The following CNTN5 variants were observed in gnomAD, a reference collection of about 807,000 sequenced individuals.
CNTN5 encodes contactin-5.
In CNTN5, 77 loss-of-function variants were observed where a neutral mutation model predicts 129.1. That is an observed-to-expected ratio of 0.60 (90% CI 0.50 to 0.72). The LOEUF (loss-of-function observed/expected upper bound fraction) is 0.72, where lower values mean the gene tolerates loss of function less well. Among genes scored for constraint, CNTN5 ranks in the 30% least tolerant of loss-of-function variants. The pLI, the probability that CNTN5 is intolerant of heterozygous loss-of-function variation, is 0.00. For synonymous variants in CNTN5, 509 were observed against 465.6 expected (o/e 1.09, Z -1.20); for missense variants, 1,478 against 1,328.8 (o/e 1.11, Z -1.75).
chr11:99,031,082 C>T (rs1863353501), intron 1 of CNTN5, among the ~76,000 whole-genome samples: 1 of 152,056 alleles, frequency 6.6e-6, no homozygotes, highest in Admixed American at 6.6e-5. Context: ...CAGGCGTGAG[C>T]CACCACGCCT....
rs1010089341 is a variant in CNTN5 at position 99,762,442 on chromosome 11, A to G, written c.56-57102A>G. Among the ~76,000 whole-genome samples, 14 of 152,020 alleles carry G rather than the reference A, an allele frequency of 9.2e-5. No homozygotes were observed. In the East Asian group the frequency reaches 2.5e-3, roughly 27 times the overall value. ...TAATCCATCTTGAATTGATTTTTGT[A>G]TAAGGTGTAAGGAAGGGATCCAGTT... On this transcript the variant is annotated intron_variant, in intron 3 of 24. Coordinates refer to ENST00000524871, the MANE Select transcript of CNTN5 (RefSeq NM_014361.4).
At chr11:99,097,110 A>G (rs1436113562) in intron 1 of CNTN5, among the ~76,000 whole-genome samples, 2 of 151,942 alleles carry the variant, frequency 1.3e-5, no homozygotes, top group Non-Finnish European at 2.9e-5. Context: ...CTTTTCTTAT[A>G]ATCCAAATAA....
chr11:99,634,669 A>C (rs1951484786), intron 3 of CNTN5, among the ~76,000 whole-genome samples: 1 of 151,964 alleles, frequency 6.6e-6, no homozygotes, highest in Non-Finnish European at 1.5e-5. Context: ...ATCTGAAAGC[A>C]CCCTCCCTCT....
intron 3 of CNTN5, among the ~76,000 whole-genome samples, chr11:99,819,323 C>T (rs61911598): frequency 0.026 from 1,061 of 40,880 alleles, no homozygotes; most frequent in East Asian, 0.045. Flanking sequence ...TCCTCCCCTC[C>T]CCTCCCCTCC....
intron 13 of CNTN5, among the ~76,000 whole-genome samples, chr11:100,086,120 T>C (rs182969926): frequency 1.3e-5 from 2 of 152,038 alleles, no homozygotes; most frequent in East Asian, 3.9e-4. Context: ...AATGCACAGA[T>C]TGAGTTCAAG....
chr11:99,997,093 T>C (rs527812737), intron 8 of CNTN5, among the ~76,000 whole-genome samples: 12 of 152,228 alleles, frequency 7.9e-5, no homozygotes, highest in Non-Finnish European at 1.8e-4. Flanking sequence ...GTCCAGTTTA[T>C]CATTTTTGAT....
intron 1 of CNTN5, among the ~76,000 whole-genome samples, chr11:99,177,145 CT>C (rs11327119): frequency 0.92 from 140,545 of 152,056 alleles, 65,027 homozygotes; most frequent in East Asian, 1. Flanking sequence ...TTATTCCAAG[CT>C]TTTTTTCTGG....
chr11:99,779,930 T>C (rs1293821631), intron 3 of CNTN5, among the ~76,000 whole-genome samples: 1 of 152,024 alleles, frequency 6.6e-6, no homozygotes, highest in South Asian at 2.1e-4. Flanking sequence ...GGACTCCTAC[T>C]ACATCTTAGA....
chr11:99,943,457 C>A (rs1950487204), intron 7 of CNTN5, among the ~76,000 whole-genome samples: 1 of 151,976 alleles, frequency 6.6e-6, no homozygotes. Context: ...GGATAGATTG[C>A]AAAAATTTTC....
At chr11:100,103,667 T>G (rs1282677569) in intron 13 of CNTN5, among the ~76,000 whole-genome samples, 1 of 152,184 alleles carries the variant, frequency 6.6e-6, no homozygotes. Context: ...AATCCTACTT[T>G]GCTCCAGTCA....
chr11:99,534,642 T>C (rs952053606), intron 2 of CNTN5, among the ~76,000 whole-genome samples: 5 of 152,316 alleles, frequency 3.3e-5, no homozygotes, highest in South Asian at 2.1e-4. Context: ...ATTTTTGCTT[T>C]ATATGTTAAT....
chr11:99,062,355 A>T (rs1864920044), intron 1 of CNTN5, among the ~76,000 whole-genome samples: 1 of 152,160 alleles, frequency 6.6e-6, no homozygotes, highest in African/African-American at 2.4e-5. Context: ...ATAGCGGCCT[A>T]CCTGGGCAAG....
At chr11:100,118,567 C>A (rs918143194) in intron 13 of CNTN5, among the ~76,000 whole-genome samples, 9 of 151,908 alleles carry the variant, frequency 5.9e-5, no homozygotes, top group African/African-American at 2.2e-4. Flanking sequence ...CTATTGTCTT[C>A]AGCTGTACAG....
chr11:99,926,937 A>T (rs913152485), intron 7 of CNTN5, among the ~76,000 whole-genome samples: 2 of 152,188 alleles, frequency 1.3e-5, no homozygotes, highest in Non-Finnish European at 2.9e-5. Flanking sequence ...GTATTCTTAC[A>T]TTTTATAAAT....
chr11:100,348,952 G>T (rs770725674), intron 23 of CNTN5, among the ~76,000 whole-genome samples: 1 of 151,856 alleles, frequency 6.6e-6, no homozygotes, highest in Admixed American at 6.6e-5. Flanking sequence ...ATGAATCTCC[G>T]GTATGTAGTA....
In CNTN5 at chr11:100,290,958, G is replaced by A. The variant is rs961234713; in HGVS notation, c.2315-6667G>A. Among the ~76,000 whole-genome samples the A allele has an allele frequency of 1.6e-4, 25 of 151,870 alleles. 1 individual carries two copies. The highest frequency in any genetic ancestry group is 6.8e-3 in the Middle Eastern group (2 of 294). On this transcript the variant is annotated intron_variant, in intron 18 of 24. Transcript: ENST00000524871. ...AAACAGTGGGCAAAGGACATGAACA[G>A]ACACTTCTCAAAAGAAGACATTTAT...
intron 2 of CNTN5, among the ~76,000 whole-genome samples, chr11:99,371,685 A>G (rs994958267): frequency 2.0e-5 from 3 of 152,158 alleles, no homozygotes; most frequent in African/African-American, 7.2e-5. Flanking sequence ...GACTTTTTCC[A>G]AATTTTAGTT....
At chr11:99,204,794 G>A (rs1859392317) in intron 1 of CNTN5, among the ~76,000 whole-genome samples, 3 of 152,164 alleles carry the variant, frequency 2.0e-5, no homozygotes, top group Non-Finnish European at 4.4e-5. Flanking sequence ...TGGCCTGAGA[G>A]CTGGCGTGGA....
At chr11:99,464,776 A>G (rs1008143597) in intron 2 of CNTN5, among the ~76,000 whole-genome samples, 2 of 152,166 alleles carry the variant, frequency 1.3e-5, no homozygotes, top group Non-Finnish European at 2.9e-5. Context: ...ACAAATAATA[A>G]CCTATAGGAA....
Sources: gnomAD v4.1 joint callset for allele counts (sites outside exome capture counted in the v4.1 genomes callset) on GRCh38, gnomAD v4.1.1 for gene constraint, MANE v1.5 for transcripts, NCBI Gene and HGNC (gene_info 2026-07-23, HGNC 2026-07-21) for gene names.